Variants in RSPH14 observed in about 807,000 individuals in gnomAD.
RSPH14 encodes the protein rhabdoid tumor deletion region gene 1.
RSPH14 carries 20 observed loss-of-function variants against 26.7 expected under a neutral mutation model. The ratio of observed to expected loss-of-function variants is 0.75; its 90% CI spans 0.53 to 1.09. The LOEUF is 1.09. RSPH14 is among the 50% of genes least tolerant of loss of function. RSPH14 has a pLI of 0.00. For synonymous variants in RSPH14, 177 were observed against 189.3 expected, an observed-to-expected ratio of 0.93 and a Z score of 0.53; for missense variants, 449 against 457.2, an observed-to-expected ratio of 0.98 and a Z score of 0.16.
chr22:23,081,955 C>T (rs1339956659), intron 4 of RSPH14, among the ~76,000 whole-genome samples: 1 of 150,788 alleles, frequency 6.6e-6, no homozygotes, highest in African/African-American at 2.4e-5. Context: ...GAAACCTCAT[C>T]TCTACTAAAA....
At chr22:23,079,092 G>A (rs754299158) in intron 4 of RSPH14, among the ~76,000 whole-genome samples, 29 of 152,336 alleles carry the variant, frequency 1.9e-4, no homozygotes, top group Admixed American at 4.6e-4. Flanking sequence ...GGGCACATGG[G>A]ATACATCAAT....
upstream of RSPH14, chr22:23,145,392 G>A (rs2070703617): frequency 6.2e-7 from 1 of 1,608,864 alleles, no homozygotes. Flanking sequence ...CAAGCTGGAT[G>A]CTTGGACGCG....
chr22:23,118,637 A>G lies in RSPH14; in HGVS notation c.421+15389T>C, dbSNP rs146845142. ...CTTGGGCCCCATATGTGAAGTGAGG[A>G]GCCCTCCCCCTTGCCATGGGGTCAT... is the stretch of plus-strand genomic sequence containing the variant. On this transcript the variant is annotated intron_variant, in intron 4 of 6. Coordinates refer to ENST00000216036, the MANE Select transcript of RSPH14 (RefSeq NM_014433.3). 1.9e-3 allele frequency among the ~76,000 whole-genome samples: 284 copies of G among 152,302 alleles called. 1 individual carries two copies. The highest frequency in any genetic ancestry group is 5.1e-3 in the African/African-American group (212 of 41,562).
At chr22:23,080,970 A>G (rs1405446959) in intron 4 of RSPH14, among the ~76,000 whole-genome samples, 1 of 152,178 alleles carries the variant, frequency 6.6e-6, no homozygotes, top group Non-Finnish European at 1.5e-5. Context: ...GCCCTTCCAC[A>G]TGTATCCCTT....
At chr22:23,148,563 C>A (rs1028232568), upstream of RSPH14, among the ~76,000 whole-genome samples, 2 of 152,200 alleles carry the variant, frequency 1.3e-5, no homozygotes, top group Admixed American at 6.5e-5. Flanking sequence ...AGGTGGCATT[C>A]TCCCCTCCTG....
upstream of RSPH14, among the ~76,000 whole-genome samples, chr22:23,142,960 T>C (rs2070626901): frequency 6.6e-6 from 1 of 152,174 alleles, no homozygotes; most frequent in Admixed American, 6.5e-5. Context: ...GCCTGAGCGC[T>C]CTGTAACACT....
intron 4 of RSPH14, among the ~76,000 whole-genome samples, chr22:23,079,795 C>T (rs947966284): frequency 6.6e-6 from 1 of 152,050 alleles, no homozygotes; most frequent in African/African-American, 2.4e-5. Context: ...CTGGCTGGGT[C>T]CAGCCACAAC....
At chr22:23,133,499 A>G (rs1394374171) in intron 4 of RSPH14, among the ~76,000 whole-genome samples, 2 of 152,238 alleles carry the variant, frequency 1.3e-5, no homozygotes, top group South Asian at 2.1e-4. Context: ...AATACTCTCT[A>G]CATGTCTTGA....
At chr22:23,132,924 AC>A (rs1354205106) in intron 4 of RSPH14, 1 of 151,954 alleles carries the variant, frequency 6.6e-6, no homozygotes, top group African/African-American at 2.4e-5. Flanking sequence ...CGGACACCCG[AC>A]TGGCGTAGGG....
At chr22:23,098,083 G>A (rs2069177399) in intron 4 of RSPH14, among the ~76,000 whole-genome samples, 1 of 152,256 alleles carries the variant, frequency 6.6e-6, no homozygotes, top group Admixed American at 6.5e-5. Context: ...TGTCTTCACA[G>A]ATGGGCCCAA....
intron 4 of RSPH14, among the ~76,000 whole-genome samples, chr22:23,106,851 T>C (rs2069495891): frequency 6.6e-6 from 1 of 152,138 alleles, no homozygotes; most frequent in Non-Finnish European, 1.5e-5. Flanking sequence ...GACCTGGACA[T>C]CCCGCTGCTG....
intron 4 of RSPH14, chr22:23,123,923 G>T (rs994717839): frequency 7.3e-5 from 16 of 218,206 alleles, no homozygotes; most frequent in Admixed American, 3.7e-4. Flanking sequence ...CCAGTGCAGG[G>T]TCTGTGCACC....
chr22:23,128,094 C>T (rs1455599127), intron 4 of RSPH14, among the ~76,000 whole-genome samples: 1 of 152,190 alleles, frequency 6.6e-6, no homozygotes, highest in Non-Finnish European at 1.5e-5. Flanking sequence ...AGGGCCAGAA[C>T]AGACTCACAG....
chr22:23,151,992 A>C, the RSPH14 span, among the ~76,000 whole-genome samples: 15 of 152,308 alleles, frequency 9.8e-5, no homozygotes, highest in Admixed American at 2.6e-4. Context: ...CGGAGCCCAC[A>C]TCGGCGCACA....
At chr22:23,127,992 G>A (rs907736581) in intron 4 of RSPH14, among the ~76,000 whole-genome samples, 1 of 152,126 alleles carries the variant, frequency 6.6e-6, no homozygotes, top group Non-Finnish European at 1.5e-5. Context: ...CTGCACACGT[G>A]TGGAGTCAGG....
At chr22:23,160,334 G>A in the RSPH14 span, among the ~76,000 whole-genome samples, 1 of 152,188 alleles carries the variant, frequency 6.6e-6, no homozygotes, top group African/African-American at 2.4e-5. Flanking sequence ...TGCCCTATGC[G>A]GTTGTGCAGG....
intron 4 of RSPH14, among the ~76,000 whole-genome samples, chr22:23,082,168 A>C (rs1205023714): frequency 6.6e-6 from 1 of 150,582 alleles, no homozygotes; most frequent in Non-Finnish European, 1.5e-5. Context: ...ATATATGTGT[A>C]ATAATGTCGG....
chr22:23,158,578 G>A, the RSPH14 span, among the ~76,000 whole-genome samples: 3 of 152,216 alleles, frequency 2.0e-5, no homozygotes, highest in South Asian at 2.1e-4. Context: ...TCCAAACCCC[G>A]TGAGGGAGGC....
intron 4 of RSPH14, chr22:23,123,296 G>A (rs372213550): frequency 1.7e-5 from 27 of 1,613,550 alleles, no homozygotes; most frequent in Non-Finnish European, 2.3e-5. Context: ...TTGAAGACCT[G>A]AACCGCAACA....
Sources: gnomAD v4.1 joint callset for allele counts (sites outside exome capture counted in the v4.1 genomes callset) on GRCh38, gnomAD v4.1.1 for gene constraint, MANE v1.5 for transcripts, NCBI Gene and HGNC (gene_info 2026-07-23, HGNC 2026-07-21) for gene names.